The following REPS1 variants were observed in gnomAD, a reference collection of about 807,000 sequenced individuals.
REPS1 encodes ralBP1-associated Eps domain-containing protein 1.
In REPS1, 39 loss-of-function variants were observed where a neutral mutation model predicts 100.9. The observed-to-expected ratio is 0.39, with a 90% CI of 0.30 to 0.50. The LOEUF (loss-of-function observed/expected upper bound fraction) is 0.50, where lower values mean the gene tolerates loss of function less well. Among genes scored for constraint, REPS1 ranks in the 20% least tolerant of loss-of-function variants. The pLI is 0.86. For missense variants in REPS1, 821 were observed against 968.5 expected, an observed-to-expected ratio of 0.85 and a Z score of 2.02; for synonymous variants, 324 against 340.3, an observed-to-expected ratio of 0.95 and a Z score of 0.53.
chr6:138,927,743 G>A (rs995292813), intron 9 of REPS1: 27 of 152,102 alleles, frequency 1.8e-4, no homozygotes, highest in Non-Finnish European at 3.4e-4. Context: ...AAGATATTCT[G>A]AGAAATACTG....
intron 1 of REPS1, among the ~76,000 whole-genome samples, chr6:138,983,797 G>A (rs1027853088): frequency 2.0e-5 from 3 of 152,128 alleles, no homozygotes; most frequent in Non-Finnish European, 2.9e-5. Flanking sequence ...AAGAAATCCC[G>A]AACCTCTGAA....
At chr6:138,984,600 T>C (rs1785151172) in intron 1 of REPS1, among the ~76,000 whole-genome samples, 1 of 152,162 alleles carries the variant, frequency 6.6e-6, no homozygotes, top group African/African-American at 2.4e-5. Context: ...CACTGCCAAA[T>C]GCCTCTTCCC....
chr6:138,946,500 T>C (rs1782624573), intron 2 of REPS1, among the ~76,000 whole-genome samples: 1 of 152,074 alleles, frequency 6.6e-6, no homozygotes, highest in African/African-American at 2.4e-5. Context: ...AACCTCCACA[T>C]GAAGGAAGGA....
intron 1 of REPS1, among the ~76,000 whole-genome samples, chr6:138,962,409 T>TA (rs1554295550): frequency 6.6e-6 from 1 of 151,774 alleles, no homozygotes; most frequent in East Asian, 1.9e-4. Context: ...TACATATTTT[T>TA]TATATATATA....
At chr6:138,982,668 T>TC (rs1785020668) in intron 1 of REPS1, among the ~76,000 whole-genome samples, 1 of 152,170 alleles carries the variant, frequency 6.6e-6, no homozygotes, top group South Asian at 2.1e-4. Flanking sequence ...CAGATTTTTC[T>TC]CCCCCTCATC....
intron 13 of REPS1, among the ~76,000 whole-genome samples, chr6:138,916,557 A>G (rs904592964): frequency 1.3e-5 from 2 of 152,180 alleles, no homozygotes; most frequent in Non-Finnish European, 2.9e-5. Context: ...ATTTCATAAT[A>G]GACTGCATAC....
intron 1 of REPS1, among the ~76,000 whole-genome samples, chr6:138,985,014 A>C (rs1582876766): frequency 1.3e-5 from 2 of 152,230 alleles, no homozygotes; most frequent in East Asian, 3.9e-4. Flanking sequence ...CCTTTCTGCC[A>C]CTCAAAGTCA....
intron 1 of REPS1, among the ~76,000 whole-genome samples, chr6:138,955,247 C>A (rs1783298482): frequency 6.6e-6 from 1 of 151,838 alleles, no homozygotes; most frequent in Admixed American, 6.6e-5. Flanking sequence ...GCCAGCATTT[C>A]AAGATCAGCC....
At chr6:138,986,791 A>G (rs1011547890) in intron 1 of REPS1, among the ~76,000 whole-genome samples, 2 of 152,176 alleles carry the variant, frequency 1.3e-5, no homozygotes, top group Non-Finnish European at 2.9e-5. Context: ...ATATGATAAA[A>G]AAAGGCTTTA....
intron 1 of REPS1, among the ~76,000 whole-genome samples, chr6:138,976,252 T>TACA (rs1784598610): frequency 2.0e-5 from 3 of 152,234 alleles, no homozygotes; most frequent in African/African-American, 7.2e-5. Context: ...TATTTCCACG[T>TACA]ACAACATTTT....
rs1562510483 is a variant in REPS1 at position 138,911,358 on chromosome 6, G to C, written c.1985C>G (p.Ser662Cys). The C allele has an allele frequency of 1.2e-6, 2 of 1,612,246 alleles. No homozygotes were observed. The highest frequency in any genetic ancestry group is 1.7e-6 in the Non-Finnish European group (2 of 1,178,540). The stretch of plus-strand genomic sequence containing the variant: ...AACTCGAAGAGAACTTGCAGGATCA[G>C]AAGCTTTTTCAGCCTAAAAATGAAT... ...HPEVLPAEKA[S>C]DPASSLRVAK... The change falls in exon 17 of 20, where the codon TCT becomes TGT. Residue 662 changes from serine to cysteine, a missense_variant. By Grantham distance (112) the Ser-to-Cys change is moderately radical. Transcript: ENST00000450536.
chr6:138,923,844 T>G lies in REPS1; in HGVS notation c.1338+2557A>C, dbSNP rs191953579. On this transcript the variant is annotated intron_variant, in intron 10 of 19. Transcript: ENST00000450536. ...GAGCAAATGGCTAATTATTACAATT[T>G]AGTTTCTTTTTAATAGTCTGTTAAA... 4.0e-3 allele frequency among the ~76,000 whole-genome samples: 616 copies of G among 152,346 alleles called. 6 individuals are homozygous for G. Among genetic ancestry groups the G allele is most frequent in the African/African-American group, 0.014 (572 of 41,584 alleles).
chr6:138,935,871 C>G (rs898391964), intron 8 of REPS1, among the ~76,000 whole-genome samples: 2,288 of 8,482 alleles, frequency 0.27, 57 homozygotes, highest in Middle Eastern at 0.33. Context: ...GGGGGGGGCG[C>G]GGGGGAGTGG....
intron 1 of REPS1, among the ~76,000 whole-genome samples, chr6:138,971,228 G>A (rs1439194730): frequency 1.3e-5 from 2 of 152,102 alleles, no homozygotes; most frequent in African/African-American, 4.8e-5. Flanking sequence ...GAATACAGTG[G>A]GTCATTAGCT....
chr6:138,967,691 T>A (rs1784098205), intron 1 of REPS1, among the ~76,000 whole-genome samples: 1 of 151,862 alleles, frequency 6.6e-6, no homozygotes. Flanking sequence ...TATACAAACA[T>A]CACTAAACAC....
Position 138,920,246 on chromosome 6 carries a change from T to C in REPS1, c.1497A>G (p.Ser499=), listed in dbSNP as rs1042433890. The change falls in exon 12 of 20, where the codon TCA becomes TCG. Residue 499 remains serine (S), a synonymous_variant. Coordinates refer to ENST00000450536, the MANE Select transcript of REPS1 (RefSeq NM_001286611.2). ...TATTACCAGAAGCGAATTTCACCGA[T>C]GAATTTATCTTATTTTCTTCTAAAA... The part of the protein sequence containing the change: ...SDLLEENKIN[S]SVKFASGNTV... 3 of 1,598,016 alleles carry C rather than the reference T, an allele frequency of 1.9e-6. No individual in the cohort carries two copies. The highest frequency in any genetic ancestry group is 1.1e-5 in the South Asian group (1 of 90,730).
intron 8 of REPS1, among the ~76,000 whole-genome samples, chr6:138,939,537 A>G (rs185210840): frequency 7.3e-4 from 111 of 152,354 alleles, no homozygotes; most frequent in East Asian, 1.9e-4. Flanking sequence ...ACTGACAAAT[A>G]TAACAGACGA....
intron 12 of REPS1, among the ~76,000 whole-genome samples, chr6:138,919,357 G>T (rs1227687167): frequency 1.3e-5 from 2 of 152,178 alleles, no homozygotes; most frequent in African/African-American, 4.8e-5. Context: ...ATTGTGTCCT[G>T]TTTTGTCTCG....
intron 13 of REPS1, among the ~76,000 whole-genome samples, chr6:138,916,878 G>T (rs1484796324): frequency 1.3e-5 from 2 of 152,174 alleles, no homozygotes; most frequent in Non-Finnish European, 2.9e-5. Flanking sequence ...AATCCAAGAT[G>T]ACTGAGAATG....
Sources: allele counts gnomAD v4.1 joint callset (sites outside exome capture counted in the v4.1 genomes callset), GRCh38; gene constraint gnomAD v4.1.1; transcripts MANE v1.5; gene names NCBI Gene and HGNC (gene_info 2026-07-23, HGNC 2026-07-21).